The following SDCCAG8 variants were observed in gnomAD, a reference collection of about 807,000 sequenced individuals.
SDCCAG8 encodes serologically defined colon cancer antigen 8.
In SDCCAG8, 74 loss-of-function variants were observed where a neutral mutation model predicts 101.8. The observed-to-expected ratio is 0.73, with a 90% CI of 0.60 to 0.88. The LOEUF (loss-of-function observed/expected upper bound fraction) is 0.88. Ranked by LOEUF, SDCCAG8 falls within the 40% of genes least tolerant of loss-of-function variation. The pLI, the probability that SDCCAG8 is intolerant of heterozygous loss-of-function variation, is 0.00. For missense variants in SDCCAG8, 787 were observed against 822.6 expected (o/e 0.96, Z 0.53); for synonymous variants, 281 against 292.9 (o/e 0.96, Z 0.41).
In SDCCAG8 at chr1:243,262,107, A is replaced by ATGTGGCT. The variant is rs1454402324; in HGVS notation, c.67+5867_67+5868insTGTGGCT. On this transcript the variant is annotated intron_variant, in intron 1 of 17. Transcript: ENST00000366541. ...TTACAGGCATGAGCCACGGTGCCCGACTTTTTTTTTTTCTTTTGAGACAGG... is the reference window on the plus strand; with the variant it reads ...TTACAGGCATGAGCCACGGTGCCCGATGTGGCTCTTTTTTTTTTTCTTTTGAGACAGG... 4.8e-3 allele frequency among the ~76,000 whole-genome samples: 474 copies of ATGTGGCT among 99,534 alleles called. 22 individuals are homozygous for ATGTGGCT. The highest frequency in any genetic ancestry group is 6.8e-3 in the Non-Finnish European group (306 of 44,766). 65.3% of individuals were successfully genotyped at this position (99,534 alleles called of 152,430 possible). A position where few individuals can be genotyped will look rare whatever the true frequency, so the allele number is the denominator to read the frequency against.
chr1:243,304,696 A>C lies in SDCCAG8; in HGVS notation c.676-17A>C. 2 of 1,384,354 alleles carry C rather than the reference A, an allele frequency of 1.4e-6. No homozygotes were observed. The highest frequency in any genetic ancestry group is 2.8e-5 in the African/African-American group (2 of 70,544). The allele number at this position is 1,384,354 out of a possible 1,614,324, so 85.8% of individuals were successfully genotyped here. On this transcript the variant is annotated splice_polypyrimidine_tract_variant and intron_variant, in intron 6 of 17. Transcript: ENST00000366541. ...AGGACATAGAGAAAAATGTACTTCTATTTTTCTTTTCTATAGGAGAAGCTA... is the reference window on the plus strand; with the variant it reads ...AGGACATAGAGAAAAATGTACTTCTCTTTTTCTTTTCTATAGGAGAAGCTA...
At chr1:243,295,437 T>G (rs1381062028) in intron 6 of SDCCAG8, among the ~76,000 whole-genome samples, 1 of 151,934 alleles carries the variant, frequency 6.6e-6, no homozygotes, top group Non-Finnish European at 1.5e-5. Context: ...GGGGTTTCAC[T>G]ATGTTGGCCA....
chr1:243,399,185 A>C (rs956321189), intron 13 of SDCCAG8, among the ~76,000 whole-genome samples: 1 of 152,224 alleles, frequency 6.6e-6, no homozygotes, highest in African/African-American at 2.4e-5. Flanking sequence ...TGTTGAGAGA[A>C]GCTAAGTGAT....
chr1:243,415,707 A>G lies in SDCCAG8; in HGVS notation c.1622A>G (p.Glu541Gly). 1 of 1,613,780 alleles carries G rather than the reference A, an allele frequency of 6.2e-7. No homozygotes were observed. The highest frequency in any genetic ancestry group is 8.5e-7 in the Non-Finnish European group (1 of 1,179,752). ...SEHQLHLTRQ[E>G]KDSIQQSFSK... The stretch of plus-strand genomic sequence containing the variant: ...GTCTCCTCTCTGTTTTGCAGACAGG[A>G]AAAAGATAGCATTCAGCAGAGCTTT... Residue 541 changes from glutamate (E) to glycine (G), a missense_variant, in exon 14 of 18, where the codon GAA (glutamate) becomes GGA (glycine). By Grantham distance (98) the Glu-to-Gly change is moderately conservative. Coordinates refer to ENST00000366541, the MANE Select transcript of SDCCAG8 (RefSeq NM_006642.5).
intron 13 of SDCCAG8, among the ~76,000 whole-genome samples, chr1:243,389,686 C>T (rs1467377223): frequency 2.6e-5 from 4 of 152,164 alleles, no homozygotes; most frequent in African/African-American, 7.2e-5. Flanking sequence ...TCATTTACCA[C>T]AAGAAGCTTG....
intron 12 of SDCCAG8, among the ~76,000 whole-genome samples, chr1:243,377,789 C>T (rs868751657): frequency 2.0e-5 from 3 of 148,788 alleles, no homozygotes; most frequent in Admixed American, 6.7e-5. Flanking sequence ...ATCAAATTTG[C>T]TTCTTGCTTT....
In SDCCAG8 at chr1:243,405,405, A is replaced by G. The variant is rs551778023; in HGVS notation, c.1617-10297A>G. On this transcript the variant is annotated intron_variant, in intron 13 of 17. Transcript: ENST00000366541. ...ACCAATAAAGAATTATAAGAAGACC[A>G]GTATGCTTTTGGTTCTTTAGAATAA... Among the ~76,000 whole-genome samples, 72 of 152,350 alleles carry G rather than the reference A, an allele frequency of 4.7e-4. 3 individuals carry two copies. The South Asian group carries it at 0.015, about 32-fold the overall frequency.
intron 16 of SDCCAG8, among the ~76,000 whole-genome samples, chr1:243,450,772 C>A (rs1187251102): frequency 6.6e-6 from 1 of 152,182 alleles, no homozygotes; most frequent in East Asian, 1.9e-4. Context: ...AATTCTGCTG[C>A]CTCAGCCTCC....
intron 16 of SDCCAG8, among the ~76,000 whole-genome samples, chr1:243,480,360 TG>T (rs1663262385): frequency 6.5e-5 from 3 of 46,074 alleles, no homozygotes; most frequent in African/African-American, 9.2e-5. Context: ...GATGGGTGGG[TG>T]GGATGGATGG....
intron 12 of SDCCAG8, among the ~76,000 whole-genome samples, chr1:243,353,033 A>G (rs897870506): frequency 3.3e-5 from 5 of 152,160 alleles, no homozygotes; most frequent in African/African-American, 1.2e-4. Context: ...ATAACCATAT[A>G]TTATGTGCAC....
intron 9 of SDCCAG8, chr1:243,318,444 A>C: frequency 8.7e-4 from 371 of 424,578 alleles, no homozygotes; most frequent in Non-Finnish European, 1.1e-3. Context: ...TCTGTATAAC[A>C]AAACCCCGTG....
intron 16 of SDCCAG8, among the ~76,000 whole-genome samples, chr1:243,477,706 G>GA (rs909847219): frequency 2.5e-4 from 38 of 152,236 alleles, no homozygotes; most frequent in African/African-American, 9.2e-4. Flanking sequence ...AGCTGTGCTG[G>GA]AGCTTGAAGA....
In SDCCAG8 at chr1:243,500,087, A is replaced by AAAG. The variant is rs1491383470; in HGVS notation, c.*304_*306dup. 17 of 418,134 alleles carry AAAG rather than the reference A, an allele frequency of 4.1e-5. No homozygotes were observed. The highest frequency in any genetic ancestry group is 1.8e-4 in the East Asian group (5 of 27,934). The allele number at this position is 418,134 out of a possible 1,614,324, so 25.9% of individuals were successfully genotyped here. A position where few individuals can be genotyped will look rare whatever the true frequency, so the allele number is the denominator to read the frequency against. On this transcript the variant is annotated 3_prime_UTR_variant, in exon 18 of 18. Coordinates refer to ENST00000366541, the MANE Select transcript of SDCCAG8 (RefSeq NM_006642.5). ...ATGATTTTCAATAAATGAACTTTTT[A>AAAG]AAGACTTGAGTTGTAATGTTTCCTT...
chr1:243,305,133 C>T lies in SDCCAG8; in HGVS notation c.740+356C>T, dbSNP rs397515337. Reference sequence around the variant, plus strand: ...CATCCTGGCCAACATGGTGAAACCCCGTTTCTACTAAAAATACAAAAATTA... The same window carrying T: ...CATCCTGGCCAACATGGTGAAACCCTGTTTCTACTAAAAATACAAAAATTA... On this transcript the variant is annotated intron_variant, in intron 7 of 17. Transcript: ENST00000366541. The T allele has an allele frequency of 8.3e-5, 18 of 217,290 alleles. No homozygotes were observed. The highest frequency in any genetic ancestry group is 1.4e-4 in the Non-Finnish European group (15 of 108,398). The allele number at this position is 217,290 out of a possible 1,614,324, so 13.5% of individuals were successfully genotyped here.
At chr1:243,265,353 C>G (rs2067502310) in intron 1 of SDCCAG8, among the ~76,000 whole-genome samples, 1 of 152,166 alleles carries the variant, frequency 6.6e-6, no homozygotes, top group Non-Finnish European at 1.5e-5. Context: ...CAAACAAACC[C>G]TAAAGCCTTG....
intron 13 of SDCCAG8, among the ~76,000 whole-genome samples, chr1:243,383,866 A>T (rs1573709013): frequency 6.6e-6 from 1 of 152,156 alleles, no homozygotes; most frequent in African/African-American, 2.4e-5. Flanking sequence ...AAATGTCAGT[A>T]CACATAGCTC....
intron 12 of SDCCAG8, among the ~76,000 whole-genome samples, chr1:243,353,777 G>A (rs2147825665): frequency 6.6e-6 from 1 of 152,208 alleles, no homozygotes; most frequent in South Asian, 2.1e-4. Context: ...GTAATATACT[G>A]TATGCCCTGC....
intron 13 of SDCCAG8, among the ~76,000 whole-genome samples, chr1:243,405,055 G>A (rs1351256353): frequency 4.6e-5 from 7 of 151,898 alleles, no homozygotes; most frequent in Non-Finnish European, 7.4e-5. Flanking sequence ...TAGTAGAGAC[G>A]GGATTTCACC....
intron 12 of SDCCAG8, among the ~76,000 whole-genome samples, chr1:243,363,104 G>A (rs1280320663): frequency 6.6e-6 from 1 of 152,178 alleles, no homozygotes; most frequent in Non-Finnish European, 1.5e-5. Context: ...CCTCATTAAA[G>A]TCAGTGGTCT....
Sources: gnomAD v4.1 joint callset for allele counts (sites outside exome capture counted in the v4.1 genomes callset) on GRCh38, gnomAD v4.1.1 for gene constraint, MANE v1.5 for transcripts, NCBI Gene and HGNC (gene_info 2026-07-23, HGNC 2026-07-21) for gene names.